The following MTUS1 variants were observed in gnomAD, a reference collection of about 807,000 sequenced individuals.
The protein encoded by MTUS1 is microtubule associated scaffold protein 1.
MTUS1 carries 109 observed loss-of-function variants against 120.8 expected under a neutral mutation model. That is an observed-to-expected ratio of 0.90 (90% confidence interval 0.77 to 1.06). The LOEUF is 1.06. MTUS1 is among the 50% of genes least tolerant of loss of function. MTUS1 has a pLI of 0.00. For synonymous variants in MTUS1, 737 were observed against 550.5 expected (o/e 1.34, Z -4.74); for missense variants, 2,210 against 1,486.3 (o/e 1.49, Z -8.01).
intron 1 of MTUS1, among the ~76,000 whole-genome samples, chr8:17,767,996 G>A (rs750320292): frequency 6.6e-6 from 1 of 152,202 alleles, no homozygotes; most frequent in Non-Finnish European, 1.5e-5. Context: ...AGCCAGACAC[G>A]CTTAAAAGGC....
At chr8:17,758,957 C>T (rs1415732387) in intron 1 of MTUS1, among the ~76,000 whole-genome samples, 4 of 152,224 alleles carry the variant, frequency 2.6e-5, no homozygotes, top group African/African-American at 9.7e-5. Flanking sequence ...TCTCGGCTCA[C>T]TGCAACGTCC....
At chr8:17,723,916 C>G in intron 3 of MTUS1, 83 bp from the exon 4 acceptor site, 2 of 1,127,102 alleles carry the variant, frequency 1.8e-6, no homozygotes, top group Admixed American at 2.4e-5. Flanking sequence ...ACTCAAACTT[C>G]TGCACTAACA....
chr8:17,713,918 C>T (rs979244190), intron 5 of MTUS1, among the ~76,000 whole-genome samples: 2 of 152,110 alleles, frequency 1.3e-5, no homozygotes, highest in Non-Finnish European at 2.9e-5. Flanking sequence ...AGCACTGATT[C>T]CCACACAGGT....
intron 8 of MTUS1, among the ~76,000 whole-genome samples, chr8:17,667,674 G>C (rs754720304): frequency 1.3e-5 from 2 of 152,208 alleles, no homozygotes; most frequent in Non-Finnish European, 2.9e-5. Flanking sequence ...ATTTCAAATA[G>C]TTTTCCAATC....
rs112360852 is a variant in MTUS1 at position 17,647,129 on chromosome 8, C to G, written c.3502-50G>C. 160 of 1,446,232 alleles carry G rather than the reference C, an allele frequency of 1.1e-4. No homozygotes were observed. The African/African-American group carries it at 2.0e-3, about 18-fold the overall frequency. The allele number at this position is 1,446,232 out of a possible 1,614,324, so 89.6% of individuals were successfully genotyped here. ...ATTTATACAATATTAAAAAAAAAAC[C>G]CCTCATTTCTTAAGGCACCTCACGA... On this transcript the variant is annotated intron_variant, in intron 13 of 14. Coordinates refer to ENST00000693296, the MANE Select transcript of MTUS1 (RefSeq NM_001363059.2).
At chr8:17,729,135 T>C (rs959258566) in intron 3 of MTUS1, among the ~76,000 whole-genome samples, 1 of 152,190 alleles carries the variant, frequency 6.6e-6, no homozygotes, top group Non-Finnish European at 1.5e-5. Flanking sequence ...ATAACTTGGG[T>C]TCCTTAAATA....
At chr8:17,736,766 G>A (rs563774658) in intron 3 of MTUS1, among the ~76,000 whole-genome samples, 9 of 152,064 alleles carry the variant, frequency 5.9e-5, no homozygotes, top group African/African-American at 9.6e-5. Context: ...TGTATGTTTA[G>A]TAGAGATGGG....
chr8:17,678,927 T>G (rs1402777640), intron 7 of MTUS1, among the ~76,000 whole-genome samples: 1 of 152,160 alleles, frequency 6.6e-6, no homozygotes, highest in African/African-American at 2.4e-5. Flanking sequence ...ACCGTCTAAC[T>G]AAGCAAGGAT....
intron 6 of MTUS1, chr8:17,697,507 T>C (rs1330782846): frequency 1.4e-5 from 20 of 1,414,712 alleles, no homozygotes; most frequent in Non-Finnish European, 1.7e-5. Flanking sequence ...ACACAGCAAA[T>C]GTCATTCCAC....
At chr8:17,656,179 T>C in intron 8 of MTUS1, 114 bp from the exon 9 acceptor site, 1 of 902,378 alleles carries the variant, frequency 1.1e-6, no homozygotes, top group East Asian at 2.6e-5. Context: ...CCATGATGTC[T>C]TGGGTCTCTA....
intron 1 of MTUS1, among the ~76,000 whole-genome samples, chr8:17,793,948 CAAG>C (rs973673355): frequency 6.6e-6 from 1 of 152,148 alleles, no homozygotes; most frequent in African/African-American, 2.4e-5. Context: ...CTGACTCCTC[CAAG>C]AAAAGAGGTC....
chr8:17,679,875 G>C (rs1187610103), intron 7 of MTUS1, among the ~76,000 whole-genome samples: 1 of 152,110 alleles, frequency 6.6e-6, no homozygotes, highest in African/African-American at 2.4e-5. Flanking sequence ...AAAATAAAGA[G>C]AGCAAAGAAC....
In MTUS1 at chr8:17,644,984, T is replaced by C. The variant is rs753255661; in HGVS notation, c.*942A>G. 1 of 152,474 alleles carries C rather than the reference T, an allele frequency of 6.6e-6. No homozygotes were observed. The highest frequency in any genetic ancestry group is 6.5e-5 in the Admixed American group (1 of 15,272). 9.4% of individuals were successfully genotyped at this position (152,474 alleles called of 1,614,324 possible). A position where few individuals can be genotyped will look rare whatever the true frequency, so the allele number is the denominator to read the frequency against. ...ATGGGAGGGAAGAAGACAGGTTAAA[T>C]CTGCAAGGGTAGATCAAAGGTAAAA... On this transcript the variant is annotated 3_prime_UTR_variant, in exon 15 of 15. Coordinates refer to ENST00000693296, the MANE Select transcript of MTUS1 (RefSeq NM_001363059.2).
intron 3 of MTUS1, among the ~76,000 whole-genome samples, chr8:17,724,335 C>T (rs71526151): frequency 0.13 from 19,129 of 151,824 alleles, 1,428 homozygotes; most frequent in Non-Finnish European, 0.17. Context: ...ACACAGAAAA[C>T]AGAACTCACG....
intron 1 of MTUS1, among the ~76,000 whole-genome samples, chr8:17,782,073 G>A (rs1412501161): frequency 6.6e-6 from 1 of 152,148 alleles, no homozygotes; most frequent in African/African-American, 2.4e-5. Flanking sequence ...GTGGTTTTAT[G>A]GGGCTAACAA....
At chr8:17,744,168 A>C (rs2047550991) in intron 2 of MTUS1, among the ~76,000 whole-genome samples, 1 of 152,214 alleles carries the variant, frequency 6.6e-6, no homozygotes, top group South Asian at 2.1e-4. Flanking sequence ...ATGGCCCTGC[A>C]AAGCTGTCTC....
intron 4 of MTUS1, 62 bp from the exon 5 acceptor site, chr8:17,715,963 T>C (rs1017841267): frequency 2.0e-6 from 3 of 1,504,160 alleles, no homozygotes; most frequent in African/African-American, 2.8e-5. Flanking sequence ...ACCTTCCACA[T>C]TTATTCCTTT....
At chr8:17,753,672 C>T in intron 2 of MTUS1, 45 bp downstream of exon 2, 1 of 1,332,986 alleles carries the variant, frequency 7.5e-7, no homozygotes. Context: ...TCAGTTTTCT[C>T]CACAGTTCTC....
At chr8:17,715,987 C>T (rs762678246) in intron 4 of MTUS1, 86 bp from the exon 5 acceptor site, 39 of 1,272,280 alleles carry the variant, frequency 3.1e-5, no homozygotes, top group Non-Finnish European at 4.2e-5. Context: ...CTTGAACCAA[C>T]AAATGCTCAA....
Sources: allele counts gnomAD v4.1 joint callset (sites outside exome capture counted in the v4.1 genomes callset), GRCh38; gene constraint gnomAD v4.1.1; transcripts MANE v1.5; gene names NCBI Gene and HGNC (gene_info 2026-07-23, HGNC 2026-07-21).